Variants in KIRREL3 observed in about 807,000 individuals in gnomAD.
KIRREL3 encodes kin of IRRE-like protein 3.
Under a neutral mutation model 89.7 loss-of-function variants are expected in KIRREL3, and 36 were observed. The observed-to-expected ratio is 0.40, with a 90% confidence interval of 0.31 to 0.53. KIRREL3 has a LOEUF of 0.53. Ranked by LOEUF, KIRREL3 falls within the 20% of genes least tolerant of loss-of-function variation. The probability of loss-of-function intolerance (pLI) is 0.49; values close to 1 mark genes in which losing one functional copy is unlikely to be tolerated. For synonymous variants in KIRREL3, 445 were observed against 441.4 expected, an observed-to-expected ratio of 1.01 and a Z score of -0.10; for missense variants, 864 against 1,056.6, an observed-to-expected ratio of 0.82 and a Z score of 2.53.
In KIRREL3 at chr11:126,705,696, T is replaced by C. The variant is rs149791685; in HGVS notation, c.56-142784A>G. 1.2e-3 allele frequency among the ~76,000 whole-genome samples: 179 copies of C among 152,328 alleles called. 2 individuals are homozygous for C. The highest frequency in any genetic ancestry group is 4.2e-3 in the African/African-American group (174 of 41,566). ...TATGTATATGTAATGTATACCTATG[T>C]GTATGTGCATAAATGGAAAATGCAC... On this transcript the variant is annotated intron_variant, in intron 1 of 16. Transcript: ENST00000525144. The surrounding 1 kb of genome is among the most constrained non-coding windows in gnomAD (Gnocchi z 4.3).
intron 1 of KIRREL3, among the ~76,000 whole-genome samples, chr11:126,963,322 CACACACACACACAG>C: frequency 6.6e-6 from 1 of 151,386 alleles, no homozygotes; most frequent in East Asian, 2.0e-4. Context: ...CACACACACA[CACACACACACACAG>C]ACACACACAC....
chr11:126,827,546 C>T lies in KIRREL3; in HGVS notation c.55+172909G>A, dbSNP rs560848934. ...TTAGAGAATGATAATATTGCCTCTTCTAGGGGTGAGAAAAACAGTAATGCA... is the reference window on the plus strand; with the variant it reads ...TTAGAGAATGATAATATTGCCTCTTTTAGGGGTGAGAAAAACAGTAATGCA... On this transcript the variant is annotated intron_variant, in intron 1 of 16. Transcript: ENST00000525144. Among the ~76,000 whole-genome samples, 136 of 152,200 alleles carry T rather than the reference C, an allele frequency of 8.9e-4. 2 individuals are homozygous for T. Among genetic ancestry groups the T allele is most frequent in the African/African-American group, 3.0e-3 (124 of 41,522 alleles).
rs1227210092 is a variant in KIRREL3, at chr11:126,519,713, G to A, written c.433+1602C>T. Among the ~76,000 whole-genome samples the A allele has an allele frequency of 6.6e-6, 1 of 152,152 alleles. No homozygotes were observed. Among genetic ancestry groups the A allele is most frequent in the Non-Finnish European group, 1.5e-5 (1 of 68,032 alleles). On this transcript the variant is annotated intron_variant, in intron 4 of 16. Transcript: ENST00000525144. This position sits in a 1 kb window ranked among gnomAD's most constrained non-coding sequence, Gnocchi z 4.3. ...GGGCTGAGCCATCTCTGAAGATGAG[G>A]AGCCTACAACTTAGCAAATCTGTTC...
At chr11:126,440,141 C>G in intron 11 of KIRREL3, 1 of 596,910 alleles carries the variant, frequency 1.7e-6, no homozygotes, top group Non-Finnish European at 3.1e-6. Flanking sequence ...GAAGAAGTCA[C>G]TTGTCTTTTC....
rs1216742504 is a variant in KIRREL3, at chr11:126,970,213, A to G, written c.55+30242T>C. Among the ~76,000 whole-genome samples the G allele has an allele frequency of 6.6e-6, 1 of 151,276 alleles. No homozygotes were observed. Among genetic ancestry groups the G allele is most frequent in the Admixed American group, 6.6e-5 (1 of 15,226 alleles). On this transcript the variant is annotated intron_variant, in intron 1 of 16. Transcript: ENST00000525144. The surrounding 1 kb of genome is among the most constrained non-coding windows in gnomAD (Gnocchi z 4.4). ...CAGCTCAGTTAATTCCACTTAAGAC[A>G]CTCTTGTTTCCCCGTATTTTTACTC...
At position 126,424,271 on chromosome 11, in the gene KIRREL3, T is replaced by G; in HGVS notation, c.*309A>C. The G allele has an allele frequency of 4.4e-6, 2 of 450,560 alleles. No homozygotes were observed. Among genetic ancestry groups the G allele is most frequent in the South Asian group, 5.6e-5 (2 of 35,728 alleles). The allele number at this position is 450,560 out of a possible 1,614,324, so 27.9% of individuals were successfully genotyped here. A position where few individuals can be genotyped will look rare whatever the true frequency, so the allele number is the denominator to read the frequency against. On this transcript the variant is annotated 3_prime_UTR_variant, in exon 17 of 17. Coordinates refer to ENST00000525144, the MANE Select transcript of KIRREL3 (RefSeq NM_032531.4). The stretch of plus-strand genomic sequence containing the variant: ...CAGAGTTATAGCTGCCACTTGTGCC[T>G]GTGGGCAGAGCAGGTGGTAGAGGGG...
chr11:126,999,861 T>C lies in KIRREL3; in HGVS notation c.55+594A>G, dbSNP rs1459928892. Among the ~76,000 whole-genome samples, 1 of 152,212 alleles carries C rather than the reference T, an allele frequency of 6.6e-6. No homozygotes were observed. Among genetic ancestry groups the C allele is most frequent in the African/African-American group, 2.4e-5 (1 of 41,450 alleles). ...ATTCAGTGCTGTGTAGGATTCAGAA[T>C]TCAACCTAATTTAGGGAACTCGATG... On this transcript the variant is annotated intron_variant, in intron 1 of 16. Transcript: ENST00000525144. The surrounding 1 kb of genome is among the most constrained non-coding windows in gnomAD (Gnocchi z 5.7).
chr11:126,916,883 T>C (rs945442914), intron 1 of KIRREL3, among the ~76,000 whole-genome samples: 5 of 152,236 alleles, frequency 3.3e-5, no homozygotes, highest in Admixed American at 2.0e-4. Context: ...TCATGCCTGA[T>C]TCTTCAGCTG....
At chr11:126,630,641 T>A (rs1018629450) in intron 1 of KIRREL3, among the ~76,000 whole-genome samples, 8 of 152,274 alleles carry the variant, frequency 5.3e-5, no homozygotes, top group Non-Finnish European at 4.4e-5. Context: ...GGCCTCTGAG[T>A]AGGGTTTCTG....
At chr11:126,514,304 T>C (rs995841411) in intron 4 of KIRREL3, among the ~76,000 whole-genome samples, 1 of 152,184 alleles carries the variant, frequency 6.6e-6, no homozygotes. Context: ...ACAAATGAGA[T>C]ACGGCACTAA....
rs1364038237 is a variant in KIRREL3, at chr11:126,954,263, C to T, written c.55+46192G>A. Among the ~76,000 whole-genome samples the T allele has an allele frequency of 2.0e-5, 3 of 147,832 alleles. No individual in the cohort carries two copies. The highest frequency in any genetic ancestry group is 7.5e-5 in the African/African-American group (3 of 40,086). On this transcript the variant is annotated intron_variant, in intron 1 of 16. Transcript: ENST00000525144. This position sits in a 1 kb window ranked among gnomAD's most constrained non-coding sequence, Gnocchi z 4.1. ...ATTCTGGGAAGCTTTCATCAGGCCT[C>T]TTAAAAAAAAAAAAGCCCTGCCTCA... is the stretch of plus-strand genomic sequence containing the variant.
At chr11:126,437,913 A>T (rs529633952) in intron 11 of KIRREL3, among the ~76,000 whole-genome samples, 2 of 152,196 alleles carry the variant, frequency 1.3e-5, no homozygotes, top group South Asian at 2.1e-4. Context: ...GCTCACACAC[A>T]CAAGTACACA....
chr11:126,869,591 AT>A (rs1432886056), intron 1 of KIRREL3, among the ~76,000 whole-genome samples: 2 of 152,184 alleles, frequency 1.3e-5, no homozygotes. Flanking sequence ...AGGTGGACCC[AT>A]TTCCAGTGTC....
intron 1 of KIRREL3, among the ~76,000 whole-genome samples, chr11:126,693,768 C>G (rs143488959): frequency 1.7e-3 from 264 of 152,354 alleles, no homozygotes; most frequent in African/African-American, 5.8e-3. Flanking sequence ...AAAGTCGCAT[C>G]TGGTAGCAGA....
At chr11:126,445,449 T>G (rs539064477) in intron 9 of KIRREL3, among the ~76,000 whole-genome samples, 1 of 152,346 alleles carries the variant, frequency 6.6e-6, no homozygotes, top group South Asian at 2.1e-4. Context: ...AACCTCCCTG[T>G]ACCTGCGGTG....
In KIRREL3 at chr11:126,655,098, C is replaced by G. The variant is rs554023; in HGVS notation, c.56-92186G>C. ...AGGTGGTGGTGGAGCACATCTGTCTCTCTCCGTGTTGGTGGCTGTGATTTG... is the reference window on the plus strand; with the variant it reads ...AGGTGGTGGTGGAGCACATCTGTCTGTCTCCGTGTTGGTGGCTGTGATTTG... On this transcript the variant is annotated intron_variant, in intron 1 of 16. Coordinates refer to ENST00000525144, the MANE Select transcript of KIRREL3 (RefSeq NM_032531.4). The surrounding 1 kb of genome is among the most constrained non-coding windows in gnomAD (Gnocchi z 5.0). 0.37 allele frequency among the ~76,000 whole-genome samples: 56,406 copies of G among 152,148 alleles called. 11,152 individuals carry two copies. Among genetic ancestry groups the G allele is most frequent in the South Asian group, 0.52 (2,526 of 4,818 alleles).
In KIRREL3 at chr11:126,890,602, C is replaced by T. The variant is rs1272643555; in HGVS notation, c.55+109853G>A. ...ACCTGGAGGGGTGCTGTGGGAGTCC[C>T]GTGGCTGCACATCCTGGCAAAAGGA... On this transcript the variant is annotated intron_variant, in intron 1 of 16. Transcript: ENST00000525144. The surrounding 1 kb of genome is among the most constrained non-coding windows in gnomAD (Gnocchi z 5.1). 2.0e-5 allele frequency among the ~76,000 whole-genome samples: 3 copies of T among 152,244 alleles called. No individual in the cohort carries two copies. Among genetic ancestry groups the T allele is most frequent in the Admixed American group, 2.0e-4 (3 of 15,290 alleles).
chr11:126,423,925 T>G lies in KIRREL3; in HGVS notation c.*655A>C. ...TGACCGGACCGGTCCCACCGCAGAG[T>G]TCAGCGGCATCAAGTCCAAGGACAG... On this transcript the variant is annotated 3_prime_UTR_variant, in exon 17 of 17. Coordinates refer to ENST00000525144, the MANE Select transcript of KIRREL3 (RefSeq NM_032531.4). The G allele has an allele frequency of 6.5e-6, 1 of 152,800 alleles. No homozygotes were observed. The highest frequency in any genetic ancestry group is 1.5e-5 in the Non-Finnish European group (1 of 68,792). The allele number at this position is 152,800 out of a possible 1,614,324, so 9.5% of individuals were successfully genotyped here. A position where few individuals can be genotyped will look rare whatever the true frequency, so the allele number is the denominator to read the frequency against.
intron 6 of KIRREL3, among the ~76,000 whole-genome samples, chr11:126,460,729 A>T (rs940047850): frequency 6.6e-6 from 1 of 152,184 alleles, no homozygotes; most frequent in Admixed American, 6.5e-5. Flanking sequence ...GCATGAGTGC[A>T]GAAGGCCGGG....
Sources: allele counts gnomAD v4.1 joint callset (sites outside exome capture counted in the v4.1 genomes callset), GRCh38; gene constraint gnomAD v4.1.1; non-coding constraint Gnocchi (gnomAD v3.1); transcripts MANE v1.5; gene names NCBI Gene and HGNC (gene_info 2026-07-23, HGNC 2026-07-21).